Variants in STARD4 observed in about 807,000 individuals in gnomAD.
STARD4 encodes StAR related lipid transfer domain containing 4.
STARD4 carries 33 observed loss-of-function variants against 24.9 expected under a neutral mutation model. That is an observed-to-expected ratio of 1.32 (90% CI 1.00 to 1.77). STARD4 has a LOEUF of 1.77. STARD4 is among the 40% of genes most tolerant of loss of function. STARD4 has a pLI of 0.00. For synonymous variants in STARD4, 88 were observed against 77.4 expected, an observed-to-expected ratio of 1.14 and a Z score of -0.72; for missense variants, 238 against 249.3, an observed-to-expected ratio of 0.95 and a Z score of 0.31.
rs755035924 is a variant in STARD4, at chr5:111,506,397, T to TC, written c.106-19_106-18insG. The TC allele has an allele frequency of 1.5e-6, 2 of 1,325,176 alleles. No homozygotes were observed. Among genetic ancestry groups the TC allele is most frequent in the Non-Finnish European group, 2.1e-6 (2 of 940,952 alleles). The allele number at this position is 1,325,176 out of a possible 1,614,324, so 82.1% of individuals were successfully genotyped here. ...ACATCTTTCTAGAAAAATAAAAACATTATATGGTAATAATTGCATAGGTGG... is the reference window on the plus strand; with the variant it reads ...ACATCTTTCTAGAAAAATAAAAACATCTATATGGTAATAATTGCATAGGTGG... On this transcript the variant is annotated intron_variant, in intron 2 of 5. Transcript: ENST00000296632.
rs998558670 is a variant in STARD4, at chr5:111,507,441, C to G, written c.-8G>C. 5 of 1,610,830 alleles carry G rather than the reference C, an allele frequency of 3.1e-6. No individual in the cohort carries two copies. The highest frequency in any genetic ancestry group is 4.2e-6 in the Non-Finnish European group (5 of 1,177,982). ...ATCAGACAGGCCTTCCATTACTTCT[C>G]TCTGTTATGGAGACCAAGATTAGCA... On this transcript the variant is annotated splice_region_variant and 5_prime_UTR_variant, in exon 2 of 6. Transcript: ENST00000296632. The surrounding 1 kb of genome is among the most constrained non-coding windows in gnomAD (Gnocchi z 4.4).
chr5:111,503,930 A>C (rs1358081537), intron 3 of STARD4, among the ~76,000 whole-genome samples: 1 of 152,172 alleles, frequency 6.6e-6, no homozygotes, highest in African/African-American at 2.4e-5. Context: ...AGAAAATCCA[A>C]AGAAAAGATG....
At position 111,499,876 on chromosome 5, in the gene STARD4, A is replaced by G. The variant is rs907689599; in HGVS notation, c.*10T>C. On this transcript the variant is annotated 3_prime_UTR_variant, in exon 6 of 6. Coordinates refer to ENST00000296632, the MANE Select transcript of STARD4 (RefSeq NM_139164.3). Reference sequence around the variant, plus strand: ...TCTGTAGTACTACAAGTTTGAATGTATTTTGCCTCTCATAAAGCTTTTCGT... The same window carrying G: ...TCTGTAGTACTACAAGTTTGAATGTGTTTTGCCTCTCATAAAGCTTTTCGT... 63 of 1,611,598 alleles carry G rather than the reference A, an allele frequency of 3.9e-5. No homozygotes were observed. The highest frequency in any genetic ancestry group is 5.0e-5 in the Non-Finnish European group (59 of 1,177,928).
At position 111,507,520 on chromosome 5, in the gene STARD4, C is replaced by A. The variant is rs139818022; in HGVS notation, c.-9-78G>T. 1.0e-3 allele frequency: 1,078 copies of A among 1,032,018 alleles called. 10 individuals carry two copies. The highest frequency in any genetic ancestry group is 6.8e-3 in the Middle Eastern group (32 of 4,736). The allele number at this position is 1,032,018 out of a possible 1,614,324, so 63.9% of individuals were successfully genotyped here. ...GGCCAGTGGGTCTCGAATCTGGTTT[C>A]ACAATATAATAACCTACCAGAGCTA... is the stretch of plus-strand genomic sequence containing the variant. On this transcript the variant is annotated intron_variant, in intron 1 of 5. Transcript: ENST00000296632. This position sits in a 1 kb window ranked among gnomAD's most constrained non-coding sequence, Gnocchi z 4.4.
Position 111,507,264 on chromosome 5 carries a change from A to G in STARD4, c.105+65T>C. 1 of 1,335,526 alleles carries G rather than the reference A, an allele frequency of 7.5e-7. No homozygotes were observed. The highest frequency in any genetic ancestry group is 1.5e-5 in the African/African-American group (1 of 68,200). The allele number at this position is 1,335,526 out of a possible 1,614,324, so 82.7% of individuals were successfully genotyped here. Reference sequence around the variant, plus strand: ...GTCCATATTGTTCCATTTAATTTTAAAAGTCATCAACCAATTCATTAGATA... The same window carrying G: ...GTCCATATTGTTCCATTTAATTTTAGAAGTCATCAACCAATTCATTAGATA... On this transcript the variant is annotated intron_variant, in intron 2 of 5. Coordinates refer to ENST00000296632, the MANE Select transcript of STARD4 (RefSeq NM_139164.3). The surrounding 1 kb of genome is among the most constrained non-coding windows in gnomAD (Gnocchi z 4.4).
chr5:111,503,270 A>T (rs1414208336), intron 3 of STARD4, among the ~76,000 whole-genome samples: 1 of 152,214 alleles, frequency 6.6e-6, no homozygotes, highest in African/African-American at 2.4e-5. Context: ...TGGAGAAAAT[A>T]AAACTTAGAT....
Position 111,496,205 on chromosome 5 carries a change from T to C in STARD4, c.*3681A>G, listed in dbSNP as rs1756084011. 6.6e-6 allele frequency: 1 copy of C among 152,100 alleles called. No individual in the cohort carries two copies. The highest frequency in any genetic ancestry group is 1.5e-5 in the Non-Finnish European group (1 of 67,980). 9.4% of individuals were successfully genotyped at this position (152,100 alleles called of 1,614,324 possible). ...AATAAAATCTATACTATAGCTTTTA[T>C]TGAACTGCAAGAGATGAATTTTAAT... On this transcript the variant is annotated 3_prime_UTR_variant, in exon 6 of 6. Transcript: ENST00000296632.
Position 111,501,978 on chromosome 5 carries a change from A to G in STARD4, c.266T>C (p.Leu89Pro). 1.2e-6 allele frequency: 2 copies of G among 1,614,154 alleles called. No individual in the cohort carries two copies. The highest frequency in any genetic ancestry group is 1.7e-6 in the Non-Finnish European group (2 of 1,180,004). ...AATAGATACCTCTTCAAAGTTCTCC[A>G]GAATATCCAAAGAAGTCATCAAGCT... ...WDSLMTSLDI[L>P]ENFEENCCVM... is the part of the protein sequence containing the mutation. Residue 89 changes from leucine (L) to proline (P), a missense_variant, in exon 4 of 6, where the codon CTG becomes CCG. Transcript: ENST00000296632.
rs1756916527 is a variant in STARD4, at chr5:111,507,106, G to T, written c.105+223C>A. 6.6e-6 allele frequency among the ~76,000 whole-genome samples: 1 copy of T among 152,098 alleles called. No individual in the cohort carries two copies. Among genetic ancestry groups the T allele is most frequent in the Non-Finnish European group, 1.5e-5 (1 of 68,024 alleles). On this transcript the variant is annotated intron_variant, in intron 2 of 5. Transcript: ENST00000296632. This position sits in a 1 kb window ranked among gnomAD's most constrained non-coding sequence, Gnocchi z 4.4. ...CTAGTTGCCATGAGCCTATTCTCTT[G>T]TCTAATATCCAAAGAGCTAATGAAA...
chr5:111,499,787 T>C lies in STARD4; in HGVS notation c.*99A>G. On this transcript the variant is annotated 3_prime_UTR_variant, in exon 6 of 6. Transcript: ENST00000296632. ...GTGAACCAAAAACATTTCAAATTTTTCTACCGGCTATGCAGAAAAGTGGAA... is the reference window on the plus strand; with the variant it reads ...GTGAACCAAAAACATTTCAAATTTTCCTACCGGCTATGCAGAAAAGTGGAA... The C allele has an allele frequency of 1.8e-6, 2 of 1,116,886 alleles. No homozygotes were observed. Among genetic ancestry groups the C allele is most frequent in the Non-Finnish European group, 2.6e-6 (2 of 774,592 alleles). The allele number at this position is 1,116,886 out of a possible 1,614,324, so 69.2% of individuals were successfully genotyped here.
chr5:111,501,474 A>G (rs920135225), intron 4 of STARD4, among the ~76,000 whole-genome samples: 2 of 152,268 alleles, frequency 1.3e-5, no homozygotes, highest in African/African-American at 4.8e-5. Flanking sequence ...AAACATTTTA[A>G]GTAAAAAATT....
intron 5 of STARD4, 62 bp downstream of exon 5, chr5:111,500,940 G>T: frequency 6.2e-7 from 1 of 1,610,840 alleles, no homozygotes; most frequent in Non-Finnish European, 8.5e-7. Context: ...GAGACATCCA[G>T]CCAAGAAAAC....
intron 5 of STARD4, 193 bp from the exon 6 acceptor site, chr5:111,500,299 G>C (rs1756338538): frequency 6.8e-6 from 9 of 1,322,832 alleles, no homozygotes; most frequent in Non-Finnish European, 8.6e-6. Context: ...TTGGCAGATA[G>C]GTAATGGGGA....
At chr5:111,509,416 T>A (rs1757087702) in intron 1 of STARD4, among the ~76,000 whole-genome samples, 1 of 152,142 alleles carries the variant, frequency 6.6e-6, no homozygotes, top group Non-Finnish European at 1.5e-5. Flanking sequence ...GATGAGAATC[T>A]GCAACTTTAA....
rs771919874 is a variant in STARD4, at chr5:111,504,915, C to G, written c.155+1415G>C. ...CGTTGGTTATCATTGCCACCACCAT[C>G]GCTATCATTAAATCTTTCACATGCA... On this transcript the variant is annotated intron_variant, in intron 3 of 5. Coordinates refer to ENST00000296632, the MANE Select transcript of STARD4 (RefSeq NM_139164.3). The G allele has an allele frequency of 9.3e-6, 4 of 431,936 alleles. No individual in the cohort carries two copies. In the East Asian group the frequency reaches 2.8e-4, roughly 31 times the overall value. 26.8% of individuals were successfully genotyped at this position (431,936 alleles called of 1,614,324 possible).
chr5:111,504,385 T>TA (rs1202962819), intron 3 of STARD4, among the ~76,000 whole-genome samples: 1 of 151,808 alleles, frequency 6.6e-6, no homozygotes, highest in African/African-American at 2.4e-5. Context: ...TAATATTTAA[T>TA]AAAAAAAGGC....
chr5:111,504,969 C>T (rs1324788888), intron 3 of STARD4: 1 of 452,568 alleles, frequency 2.2e-6, no homozygotes, highest in East Asian at 7.0e-5. Flanking sequence ...TGTGCTGCGG[C>T]CTCAGTTACA....
At chr5:111,502,468 CA>C (rs201618288) in intron 3 of STARD4, among the ~76,000 whole-genome samples, 9 of 141,424 alleles carry the variant, frequency 6.4e-5, no homozygotes, top group Admixed American at 1.4e-4. Context: ...GATTCCATCT[CA>C]AAAAAAAAAT....
At chr5:111,501,151 A>G in intron 4 of STARD4, 35 bp from the exon 5 acceptor site, 3 of 1,555,834 alleles carry the variant, frequency 1.9e-6, no homozygotes, top group Non-Finnish European at 2.6e-6. Flanking sequence ...TGTTACTACT[A>G]TAGGAAACAT....
Sources: gnomAD v4.1 joint callset for allele counts (sites outside exome capture counted in the v4.1 genomes callset) on GRCh38, gnomAD v4.1.1 for gene constraint, Gnocchi (gnomAD v3.1) non-coding constraint, MANE v1.5 for transcripts, NCBI Gene and HGNC (gene_info 2026-07-23, HGNC 2026-07-21) for gene names.